The following FAM120B variants were observed in gnomAD, a reference collection of about 807,000 sequenced individuals.
The protein encoded by FAM120B is constitutive coactivator of peroxisome proliferator-activated receptor gamma.
FAM120B carries 83 observed loss-of-function variants against 96.3 expected under a neutral mutation model. That is an observed-to-expected ratio of 0.86 (90% confidence interval 0.72 to 1.03). The LOEUF is 1.03. Ranked by LOEUF, FAM120B falls within the 50% of genes least tolerant of loss-of-function variation. The probability of loss-of-function intolerance (pLI) is 0.00; values close to 1 mark genes in which losing one functional copy is unlikely to be tolerated. For synonymous variants in FAM120B, 407 were observed against 402.7 expected (o/e 1.01, Z -0.13); for missense variants, 1,027 against 1,121.2 (o/e 0.92, Z 1.20).
intron 6 of FAM120B, among the ~76,000 whole-genome samples, chr6:170,369,150 CAAAGCAAAAG>C (rs1412226694): frequency 6.7e-5 from 10 of 149,662 alleles, no homozygotes; most frequent in Admixed American, 1.4e-4. Flanking sequence ...TAGAAATGAA[CAAAGCAAAAG>C]AAAGCAAATG....
intron 5 of FAM120B, among the ~76,000 whole-genome samples, chr6:170,353,181 T>C (rs934021747): frequency 7.2e-5 from 11 of 152,076 alleles, no homozygotes; most frequent in African/African-American, 2.4e-4. Flanking sequence ...CAGGAAGAAA[T>C]TGAATCCCTG....
At chr6:170,395,453 A>C (rs369264111) in intron 8 of FAM120B, 34 bp from the exon 9 acceptor site, 2 of 1,521,662 alleles carry the variant, frequency 1.3e-6, no homozygotes, top group African/African-American at 1.4e-5. Context: ...GACATTTGAC[A>C]ACTTACTAAT....
At chr6:170,343,228 G>T (rs935916029) in intron 4 of FAM120B, among the ~76,000 whole-genome samples, 1 of 152,180 alleles carries the variant, frequency 6.6e-6, no homozygotes, top group South Asian at 2.1e-4. Context: ...GCTAGGAGGA[G>T]CTAACATTTT....
At chr6:170,355,785 T>C (rs890749533) in intron 5 of FAM120B, among the ~76,000 whole-genome samples, 15 of 152,258 alleles carry the variant, frequency 9.9e-5, no homozygotes, top group Admixed American at 9.8e-4. Flanking sequence ...AATATGCATG[T>C]ATGCACTATT....
At chr6:170,307,123 C>G (rs1404550752) in intron 1 of FAM120B, among the ~76,000 whole-genome samples, 1 of 152,266 alleles carries the variant, frequency 6.6e-6, no homozygotes, top group Non-Finnish European at 1.5e-5. Context: ...GCGACCGTCG[C>G]CTTGCCTGCC....
intron 1 of FAM120B, among the ~76,000 whole-genome samples, chr6:170,297,580 C>G (rs1022918697): frequency 6.6e-6 from 1 of 152,196 alleles, no homozygotes. Context: ...GCCCCTCCCC[C>G]CGAAAAACGT....
At chr6:170,371,138 C>A (rs1303682507) in intron 6 of FAM120B, among the ~76,000 whole-genome samples, 1 of 150,958 alleles carries the variant, frequency 6.6e-6, no homozygotes, top group Admixed American at 6.6e-5. Flanking sequence ...CAGTCTCCCT[C>A]CCCCCAGCCC....
chr6:170,385,963 G>A (rs896093317), intron 6 of FAM120B, among the ~76,000 whole-genome samples: 1 of 152,308 alleles, frequency 6.6e-6, no homozygotes, highest in East Asian at 1.9e-4. Flanking sequence ...GTGATTGCCA[G>A]GGGCTCAGGG....
intron 5 of FAM120B, among the ~76,000 whole-genome samples, chr6:170,355,725 C>A (rs375058155): frequency 6.6e-6 from 1 of 151,980 alleles, no homozygotes; most frequent in Non-Finnish European, 1.5e-5. Flanking sequence ...CAAACTTAAA[C>A]TTTGGAGGAA....
chr6:170,401,283 C>A (rs1778569456), intron 9 of FAM120B, among the ~76,000 whole-genome samples: 1 of 152,176 alleles, frequency 6.6e-6, no homozygotes, highest in Non-Finnish European at 1.5e-5. Flanking sequence ...GATGGCAGCT[C>A]CTTGGGGCAG....
chr6:170,401,312 G>T (rs181594992), intron 9 of FAM120B, among the ~76,000 whole-genome samples: 21 of 152,168 alleles, frequency 1.4e-4, no homozygotes, highest in Non-Finnish European at 2.5e-4. Context: ...AAGCCTGAGG[G>T]GTCTCCAAGT....
chr6:170,302,172 A>G (rs1025266244), upstream of FAM120B, among the ~76,000 whole-genome samples: 2 of 152,252 alleles, frequency 1.3e-5, no homozygotes, highest in African/African-American at 4.8e-5. Flanking sequence ...GGGAGGCCTC[A>G]GGAAACTTAC....
chr6:170,358,266 C>G lies in FAM120B; in HGVS notation c.2231C>G (p.Ala744Gly), dbSNP rs750073931. The change falls in exon 6 of 11, where the codon GCG becomes GGG. Residue 744 changes from alanine to glycine, a missense_variant. This residue lies in a region of FAM120B where 880 missense variants were observed against 980.9 expected (regional missense o/e 0.90). Transcript: ENST00000476287. The part of the protein sequence containing the change: ...LCLEDLHAFI[A>G]QALCLQGKST... The stretch of plus-strand genomic sequence containing the variant: ...CTGGAGGATTTGCATGCGTTTATTG[C>G]GCAGGCCTTGTGCCTCCAAGGAAAA... 1.9e-6 allele frequency: 3 copies of G among 1,606,870 alleles called. No homozygotes were observed. The South Asian group carries it at 3.3e-5, about 18-fold the overall frequency.
chr6:170,340,360 C>G (rs1467125162), intron 4 of FAM120B, among the ~76,000 whole-genome samples: 1 of 152,210 alleles, frequency 6.6e-6, no homozygotes, highest in Non-Finnish European at 1.5e-5. Context: ...ATGTTCTTCT[C>G]TGAACTGGTT....
At chr6:170,395,455 C>T in intron 8 of FAM120B, 32 bp from the exon 9 acceptor site, 1 of 1,527,132 alleles carries the variant, frequency 6.5e-7, no homozygotes, top group Non-Finnish European at 8.9e-7. Flanking sequence ...CATTTGACAA[C>T]TTACTAATCT....
intron 5 of FAM120B, among the ~76,000 whole-genome samples, chr6:170,356,948 G>T (rs1787993450): frequency 6.6e-6 from 1 of 152,198 alleles, no homozygotes; most frequent in Admixed American, 6.5e-5. Flanking sequence ...GTGACATGGT[G>T]AGTAAGAGCA....
upstream of FAM120B, among the ~76,000 whole-genome samples, chr6:170,292,686 T>C (rs1334193176): frequency 6.6e-6 from 1 of 152,240 alleles, no homozygotes; most frequent in African/African-American, 2.4e-5. This position sits in a 1 kb window ranked among gnomAD's most constrained non-coding sequence, Gnocchi z 6.6. Flanking sequence ...GGTCACGTGG[T>C]GAAGTCGTCC....
chr6:170,378,355 C>G (rs922961763), intron 6 of FAM120B, among the ~76,000 whole-genome samples: 1 of 152,260 alleles, frequency 6.6e-6, no homozygotes, highest in African/African-American at 2.4e-5. Context: ...TTGGGCTTGA[C>G]CTGTGGACAC....
At chr6:170,390,173 A>T (rs899842633) in intron 7 of FAM120B, among the ~76,000 whole-genome samples, 3 of 152,232 alleles carry the variant, frequency 2.0e-5, no homozygotes, top group Non-Finnish European at 4.4e-5. Flanking sequence ...AAGCTTTCAT[A>T]GCGGAGAGAA....
Sources: allele counts gnomAD v4.1 joint callset (sites outside exome capture counted in the v4.1 genomes callset), GRCh38; gene constraint gnomAD v4.1.1; regional missense constraint gnomAD v4.1.1; non-coding constraint Gnocchi (gnomAD v3.1); transcripts MANE v1.5; gene names NCBI Gene and HGNC (gene_info 2026-07-23, HGNC 2026-07-21).